The following KRTAP10-3 variants were observed in gnomAD, a reference collection of about 807,000 sequenced individuals.
KRTAP10-3 encodes keratin-associated protein 10-3.
For missense variants in KRTAP10-3, 341 were observed against 293.4 expected (o/e 1.16, Z -1.19); for synonymous variants, 151 against 126.2 (o/e 1.20, Z -1.32).
chr21:44,558,065 C>T lies in KRTAP10-3; in HGVS notation c.651G>A (p.Gln217=), dbSNP rs1166940973. ...SSACCGLSSG[Q]KSSC The stretch of plus-strand genomic sequence containing the variant: ...GACCTGCCCGTCAGCAGCTGGACTT[C>T]TGGCCTGAGGAGAGGCCGCAGCACG... The change falls in exon 1 of 1, where the codon CAG becomes CAA. Residue 217 remains glutamine (Q), a synonymous_variant. Transcript: ENST00000391620. The T allele has an allele frequency of 6.2e-7, 1 of 1,608,178 alleles. No individual in the cohort carries two copies. Among genetic ancestry groups the T allele is most frequent in the Non-Finnish European group, 8.5e-7 (1 of 1,176,694 alleles).
rs782177176 is a variant in KRTAP10-3 at position 44,558,255 on chromosome 21, G to A, written c.461C>T (p.Pro154Leu). 6.8e-6 allele frequency: 11 copies of A among 1,614,084 alleles called. No homozygotes were observed. The highest frequency in any genetic ancestry group is 9.3e-6 in the Non-Finnish European group (11 of 1,179,978). Reference sequence around the variant, plus strand: ...GCAGAGGAGGGACACGGAGGAGGAGGGTCTGCAGCAGGAGGTGGTGCAGCA... The same window carrying A: ...GCAGAGGAGGGACACGGAGGAGGAGAGTCTGCAGCAGGAGGTGGTGCAGCA... ...PACCTTSCCR[P>L]SSSVSLLCRP... The change falls in exon 1 of 1, where the codon CCC becomes CTC. Residue 154 changes from proline to leucine, a missense_variant. Pro to Leu is a moderately conservative substitution (Grantham distance 98, BLOSUM62 -3). Transcript: ENST00000391620.
rs782392577 is a variant in KRTAP10-3 at position 44,558,753 on chromosome 21, G to C, written c.-38C>G. 6.4e-7 allele frequency: 1 copy of C among 1,570,092 alleles called. No homozygotes were observed. Among genetic ancestry groups the C allele is most frequent in the Non-Finnish European group, 8.6e-7 (1 of 1,157,636 alleles). ...AGGAGGTGAGCTGGGGGAGACGTGA[G>C]TGAGTGAGTGTGGGAGTGAGTGAGG... On this transcript the variant is annotated 5_prime_UTR_variant, in exon 1 of 1. Transcript: ENST00000391620.
Position 44,558,025 on chromosome 21 carries a change from A to G in KRTAP10-3, c.*25T>C, listed in dbSNP as rs1292513098. The G allele has an allele frequency of 1.3e-6, 2 of 1,585,436 alleles. No individual in the cohort carries two copies. Among genetic ancestry groups the G allele is most frequent in the Non-Finnish European group, 8.6e-7 (1 of 1,165,562 alleles). ...GGAAGTCAGAGATGGCCCTGGAACAACTCTGGAGAAACGGGACCTGCCCGT... is the reference window on the plus strand; with the variant it reads ...GGAAGTCAGAGATGGCCCTGGAACAGCTCTGGAGAAACGGGACCTGCCCGT... On this transcript the variant is annotated 3_prime_UTR_variant, in exon 1 of 1. Transcript: ENST00000391620.
rs782208042 is a variant in KRTAP10-3 at position 44,558,766 on chromosome 21, G to GGAGT, written c.-55_-52dup. 1.3e-6 allele frequency: 2 copies of GGAGT among 1,559,574 alleles called. No homozygotes were observed. The highest frequency in any genetic ancestry group is 2.7e-5 in the African/African-American group (2 of 74,028). ...GGGGAGACGTGAGTGAGTGAGTGTG[G>GGAGT]GAGTGAGTGAGGGAGTGAGTGAGTG... On this transcript the variant is annotated 5_prime_UTR_variant, in exon 1 of 1. Coordinates refer to ENST00000391620, the MANE Select transcript of KRTAP10-3 (RefSeq NM_198696.3).
Position 44,558,599 on chromosome 21 carries a change from C to A in KRTAP10-3, c.117G>T (p.Pro39=), listed in dbSNP as rs371451976. 6.2e-7 allele frequency: 1 copy of A among 1,611,548 alleles called. No individual in the cohort carries two copies. The highest frequency in any genetic ancestry group is 1.1e-5 in the South Asian group (1 of 90,874). Residue 39 remains proline, a synonymous_variant, in exon 1 of 1, where the codon CCG becomes CCT. Transcript: ENST00000391620. The part of the protein sequence containing the change: ...PPCCATSCCA[P]APCLTLVCTP... ...TGCAGACCAGGGTCAGGCAGGGGGC[C>A]GGGGCGCAGCAGCTGGTGGCGCAGC...
Position 44,558,688 on chromosome 21 carries a change from A to G in KRTAP10-3, c.28T>C (p.Ser10Pro), listed in dbSNP as rs587678642. The G allele has an allele frequency of 3.6e-5, 58 of 1,611,650 alleles. No homozygotes were observed. The Admixed American group carries it at 5.8e-4, about 16-fold the overall frequency. Residue 10 changes from serine (S) to proline (P), a missense_variant, in exon 1 of 1, where the codon TCC becomes CCC. Physicochemically the swap from Ser to Pro is moderately conservative, Grantham distance 74. Coordinates refer to ENST00000391620, the MANE Select transcript of KRTAP10-3 (RefSeq NM_198696.3). MATSTMSVCSSAYSDSWQVD... is the reference protein window; with the variant it reads MATSTMSVCPSAYSDSWQVD... ...TGCCAGGAGTCAGAGTAAGCGCTGG[A>G]GCAGACGGACATGGTAGACGTGGCC...
At position 44,558,462 on chromosome 21, in the gene KRTAP10-3, C is replaced by T. The variant is rs375452270; in HGVS notation, c.254G>A (p.Cys85Tyr). The change falls in exon 1 of 1, where the codon TGC becomes TAC. Residue 85 changes from cysteine to tyrosine, a missense_variant. Physicochemically the swap from Cys to Tyr is radical, Grantham distance 194 (BLOSUM62 -2). Coordinates refer to ENST00000391620, the MANE Select transcript of KRTAP10-3 (RefSeq NM_198696.3). ...CTPSCCQQSS[C>Y]QPACCTSSPC... ...GGAGGATGTGCAGCAAGCTGGCTGG[C>T]AGCTAGACTGCTGGCAGCACGAGGG... The T allele has an allele frequency of 3.7e-6, 6 of 1,613,954 alleles. No homozygotes were observed. The highest frequency in any genetic ancestry group is 5.1e-6 in the Non-Finnish European group (6 of 1,179,960).
Position 44,558,146 on chromosome 21 carries a change from G to T in KRTAP10-3, c.570C>A (p.Arg190=). Residue 190 remains arginine, a synonymous_variant, in exon 1 of 1, where the codon CGC becomes CGA. Transcript: ENST00000391620. ...PASTCQPSCC[R]PASCVSLLCR... ...AGAGGAGGGACACGCAGGAGGCCGG[G>T]CGGCAGCAGCTGGGCTGGCAGGTGG... 6.2e-7 allele frequency: 1 copy of T among 1,613,052 alleles called. No homozygotes were observed.
rs1306331669 is a variant in KRTAP10-3 at position 44,558,339 on chromosome 21, A to C, written c.377T>G (p.Val126Gly). The C allele has an allele frequency of 6.2e-7, 1 of 1,613,142 alleles. No individual in the cohort carries two copies. Among genetic ancestry groups the C allele is most frequent in the Non-Finnish European group, 8.5e-7 (1 of 1,179,522 alleles). ...KPVCCKPICCVPVCSGASSSC... is the reference protein window; with the variant it reads ...KPVCCKPICCGPVCSGASSSC... Reference sequence around the variant, plus strand: ...AGAGGAAGCCCCAGAGCAGACGGGCACACAGCAGATGGGCTTGCAGCAGAC... The same window carrying C: ...AGAGGAAGCCCCAGAGCAGACGGGCCCACAGCAGATGGGCTTGCAGCAGAC... The change falls in exon 1 of 1, where the codon GTG becomes GGG. Residue 126 changes from valine to glycine, a missense_variant. Coordinates refer to ENST00000391620, the MANE Select transcript of KRTAP10-3 (RefSeq NM_198696.3).
In KRTAP10-3 at chr21:44,558,413, C is replaced by T; in HGVS notation, c.303G>A (p.Val101=). Residue 101 remains valine, a synonymous_variant, in exon 1 of 1, where the codon GTG becomes GTA. Coordinates refer to ENST00000391620, the MANE Select transcript of KRTAP10-3 (RefSeq NM_198696.3). Reference sequence around the variant, plus strand: ...AGCAGACTGGCTTGCAGCAGACAGGCACGCAGCAGGCCTGCTGGCAGGGGG... The same window carrying T: ...AGCAGACTGGCTTGCAGCAGACAGGTACGCAGCAGGCCTGCTGGCAGGGGG... The part of the protein sequence containing the change: ...TSSPCQQACC[V]PVCCKPVCCV... The T allele has an allele frequency of 1.9e-6, 3 of 1,613,922 alleles. No homozygotes were observed. The highest frequency in any genetic ancestry group is 1.1e-5 in the South Asian group (1 of 91,068).
In KRTAP10-3 at chr21:44,558,395, T is replaced by G. The variant is rs587713314; in HGVS notation, c.321A>C (p.Pro107=). ...QACCVPVCCK[P]VCCVPVCCKP... ...TGCAGCAGACGGGCACACAGCAGAC[T>G]GGCTTGCAGCAGACAGGCACGCAGC... The change falls in exon 1 of 1, where the codon CCA becomes CCC. Residue 107 remains proline, a synonymous_variant. Coordinates refer to ENST00000391620, the MANE Select transcript of KRTAP10-3 (RefSeq NM_198696.3). 3.8e-5 allele frequency: 61 copies of G among 1,610,680 alleles called. No individual in the cohort carries two copies. In the East Asian group the frequency reaches 1.3e-3, roughly 35 times the overall value.
At position 44,558,351 on chromosome 21, in the gene KRTAP10-3, G is replaced by A. The variant is rs2053575247; in HGVS notation, c.365C>T (p.Pro122Leu). The A allele has an allele frequency of 3.7e-6, 6 of 1,612,784 alleles. No individual in the cohort carries two copies. In the African/African-American group the frequency reaches 5.4e-5, roughly 14 times the overall value. Residue 122 changes from proline to leucine, a missense_variant, in exon 1 of 1, where the codon CCC becomes CTC. Physicochemically the swap from Pro to Leu is moderately conservative, Grantham distance 98. Transcript: ENST00000391620. ...PVCCKPVCCK[P>L]ICCVPVCSGA... ...AGAGCAGACGGGCACACAGCAGATG[G>A]GCTTGCAGCAGACAGGCTTGCAGCA...
In KRTAP10-3 at chr21:44,558,152, G is replaced by T; in HGVS notation, c.564C>A (p.Cys188Ter). The change falls in exon 1 of 1, where the codon TGC becomes TGA. Residue 188 changes from cysteine (C) to a stop codon, truncating the protein, a stop_gained. Coordinates refer to ENST00000391620, the MANE Select transcript of KRTAP10-3 (RefSeq NM_198696.3). LOFTEE classifies it low-confidence loss of function (END_TRUNC). ...GGGACACGCAGGAGGCCGGGCGGCA[G>T]CAGCTGGGCTGGCAGGTGGAGGCAG... ...CAPASTCQPS[C>*]CRPASCVSLL... is the part of the protein sequence containing the mutation. The T allele has an allele frequency of 6.2e-7, 1 of 1,613,354 alleles. No homozygotes were observed. Among genetic ancestry groups the T allele is most frequent in the Non-Finnish European group, 8.5e-7 (1 of 1,179,660 alleles).
In KRTAP10-3 at chr21:44,558,427, G is replaced by C; in HGVS notation, c.289C>G (p.Gln97Glu). The C allele has an allele frequency of 5.0e-6, 8 of 1,614,122 alleles. No individual in the cohort carries two copies. The highest frequency in any genetic ancestry group is 5.9e-6 in the Non-Finnish European group (7 of 1,179,976). The change falls in exon 1 of 1, where the codon CAG (glutamine) becomes GAG (glutamate). Residue 97 changes from glutamine to glutamate, a missense_variant. Gln to Glu is a conservative substitution (Grantham distance 29, BLOSUM62 2). Coordinates refer to ENST00000391620, the MANE Select transcript of KRTAP10-3 (RefSeq NM_198696.3). ...PACCTSSPCQ[Q>E]ACCVPVCCKP... Reference sequence around the variant, plus strand: ...CAGCAGACAGGCACGCAGCAGGCCTGCTGGCAGGGGGAGGATGTGCAGCAA... The same window carrying C: ...CAGCAGACAGGCACGCAGCAGGCCTCCTGGCAGGGGGAGGATGTGCAGCAA...
chr21:44,558,631 G>C lies in KRTAP10-3; in HGVS notation c.85C>G (p.Pro29Ala), dbSNP rs200759941. The C allele has an allele frequency of 2.4e-5, 39 of 1,612,732 alleles. No individual in the cohort carries two copies. The highest frequency in any genetic ancestry group is 3.2e-5 in the Non-Finnish European group (38 of 1,179,716). ...CAGCAGCTGGTGGCGCAGCAGGGGG[G>C]CTCACAGCAGCTCTCTGGGCAGGCG... ...VDACPESCCE[P>A]PCCATSCCAP... is the part of the protein sequence containing the mutation. Residue 29 changes from proline (P) to alanine (A), a missense_variant, in exon 1 of 1, where the codon CCC (proline) becomes GCC (alanine). By Grantham distance (27) the Pro-to-Ala change is conservative. Coordinates refer to ENST00000391620, the MANE Select transcript of KRTAP10-3 (RefSeq NM_198696.3).
Position 44,558,783 on chromosome 21 carries a change from G to A in KRTAP10-3, c.-68C>T, listed in dbSNP as rs982946031. 7.8e-6 allele frequency: 12 copies of A among 1,538,116 alleles called. No individual in the cohort carries two copies. The highest frequency in any genetic ancestry group is 4.1e-5 in the African/African-American group (3 of 73,144). On this transcript the variant is annotated 5_prime_UTR_variant, in exon 1 of 1. Coordinates refer to ENST00000391620, the MANE Select transcript of KRTAP10-3 (RefSeq NM_198696.3). ...TGAGTGTGGGAGTGAGTGAGGGAGTGAGTGAGTGATCGTGCCAGGCCTCTG... is the reference window on the plus strand; with the variant it reads ...TGAGTGTGGGAGTGAGTGAGGGAGTAAGTGAGTGATCGTGCCAGGCCTCTG...
Position 44,558,488 on chromosome 21 carries a change from C to T in KRTAP10-3, c.228G>A (p.Thr76=), listed in dbSNP as rs781984633. 3.3e-5 allele frequency: 53 copies of T among 1,613,812 alleles called. No homozygotes were observed. Among genetic ancestry groups the T allele is most frequent in the South Asian group, 4.4e-5 (4 of 91,082 alleles). The change falls in exon 1 of 1, where the codon ACG becomes ACA. Residue 76 remains threonine, a synonymous_variant. Transcript: ENST00000391620. ...AGCTAGACTGCTGGCAGCACGAGGGCGTGCAGGAGCTGGTGCAGCCTGACT... is the reference window on the plus strand; with the variant it reads ...AGCTAGACTGCTGGCAGCACGAGGGTGTGCAGGAGCTGGTGCAGCCTGACT... ...PCQSGCTSSC[T]PSCCQQSSCQ... is the part of the protein sequence containing the mutation.
rs771527459 is a variant in KRTAP10-3 at position 44,558,465 on chromosome 21, C to G, written c.251G>C (p.Ser84Thr). 17 of 1,613,940 alleles carry G rather than the reference C, an allele frequency of 1.1e-5. No individual in the cohort carries two copies. The highest frequency in any genetic ancestry group is 1.4e-5 in the Non-Finnish European group (16 of 1,179,966). Residue 84 changes from serine (S) to threonine (T), a missense_variant, in exon 1 of 1, where the codon AGC (serine) becomes ACC (threonine). Physicochemically the swap from Ser to Thr is moderately conservative, Grantham distance 58. Coordinates refer to ENST00000391620, the MANE Select transcript of KRTAP10-3 (RefSeq NM_198696.3). ...SCTPSCCQQS[S>T]CQPACCTSSP... Reference sequence around the variant, plus strand: ...GGATGTGCAGCAAGCTGGCTGGCAGCTAGACTGCTGGCAGCACGAGGGCGT... The same window carrying G: ...GGATGTGCAGCAAGCTGGCTGGCAGGTAGACTGCTGGCAGCACGAGGGCGT...
At position 44,558,667 on chromosome 21, in the gene KRTAP10-3, A is replaced by G. The variant is rs773618959; in HGVS notation, c.49T>C (p.Trp17Arg). ...CTCTCTGGGCAGGCGTCCACCTGCC[A>G]GGAGTCAGAGTAAGCGCTGGAGCAG... is the stretch of plus-strand genomic sequence containing the variant. ...SVCSSAYSDS[W>R]QVDACPESCC... Residue 17 changes from tryptophan to arginine, a missense_variant, in exon 1 of 1, where the codon TGG becomes CGG. Trp to Arg is a moderately radical substitution (Grantham distance 101). Coordinates refer to ENST00000391620, the MANE Select transcript of KRTAP10-3 (RefSeq NM_198696.3). 1.2e-6 allele frequency: 2 copies of G among 1,613,324 alleles called. No homozygotes were observed. The highest frequency in any genetic ancestry group is 1.7e-6 in the Non-Finnish European group (2 of 1,179,830).
Sources: gnomAD v4.1 joint callset for allele counts on GRCh38, gnomAD v4.1.1 for gene constraint, MANE v1.5 for transcripts, NCBI Gene and HGNC (gene_info 2026-07-23, HGNC 2026-07-21) for gene names.